CNTNAP2: variants seen among roughly 807,000 people sequenced by gnomAD.
CNTNAP2 encodes contactin associated protein 2, also known as contactin-associated protein-like 2.
Under a neutral mutation model 155.2 loss-of-function variants are expected in CNTNAP2, and 98 were observed. The ratio of observed to expected loss-of-function variants is 0.63; its 90% CI spans 0.54 to 0.75. The LOEUF (loss-of-function observed/expected upper bound fraction) is 0.75. Among genes scored for constraint, CNTNAP2 ranks in the 30% least tolerant of loss-of-function variants. CNTNAP2 has a pLI of 0.00. For missense variants in CNTNAP2, 1,727 were observed against 1,688.1 expected, an observed-to-expected ratio of 1.02 and a Z score of -0.40; for synonymous variants, 651 against 631.2, an observed-to-expected ratio of 1.03 and a Z score of -0.47.
intron 1 of CNTNAP2, among the ~76,000 whole-genome samples, chr7:146,363,124 A>G (rs928713486): frequency 6.6e-6 from 1 of 152,148 alleles, no homozygotes; most frequent in African/African-American, 2.4e-5. Flanking sequence ...TTTACATAGC[A>G]CTTATAATAG....
At chr7:147,123,434 C>T (rs951988737) in intron 6 of CNTNAP2, among the ~76,000 whole-genome samples, 1 of 152,250 alleles carries the variant, frequency 6.6e-6, no homozygotes, top group African/African-American at 2.4e-5. Context: ...ACACACAACA[C>T]TTGCTATATC....
chr7:148,269,562 CAGA>C (rs1452630770), intron 21 of CNTNAP2, among the ~76,000 whole-genome samples: 2 of 152,192 alleles, frequency 1.3e-5, no homozygotes, highest in Middle Eastern at 3.2e-3. Flanking sequence ...AAAACTGAAG[CAGA>C]AGAAGGTCAA....
intron 8 of CNTNAP2, among the ~76,000 whole-genome samples, chr7:147,151,981 AT>A (rs1169600889): frequency 3.9e-5 from 6 of 152,094 alleles, no homozygotes; most frequent in African/African-American, 1.4e-4. Context: ...ATTTTCCCTG[AT>A]CTAGTTATGG....
rs60787049 is a variant in CNTNAP2, at chr7:146,475,013, G to GCACACACA, written c.98-299238_98-299231dup. ...CACGAGCGCGCACGCGCGCGCGCGC[G>GCACACACA]CACACACACACACACACACACACAC... is the stretch of plus-strand genomic sequence containing the variant. On this transcript the variant is annotated intron_variant, in intron 1 of 23. Transcript: ENST00000361727. Among the ~76,000 whole-genome samples the GCACACACA allele has an allele frequency of 3.0e-3, 431 of 144,382 alleles. 1 individual carries two copies. Among genetic ancestry groups the GCACACACA allele is most frequent in the Non-Finnish European group, 3.7e-3 (245 of 65,836 alleles). 94.7% of individuals were successfully genotyped at this position (144,382 alleles called of 152,430 possible).
chr7:148,075,954 T>A (rs1803475936), intron 15 of CNTNAP2, among the ~76,000 whole-genome samples: 1 of 152,228 alleles, frequency 6.6e-6, no homozygotes, highest in South Asian at 2.1e-4. Flanking sequence ...GTCTCTGAAT[T>A]CTGTGATGTT....
intron 8 of CNTNAP2, among the ~76,000 whole-genome samples, chr7:147,179,459 G>A (rs2116496265): frequency 6.6e-6 from 1 of 152,216 alleles, no homozygotes; most frequent in Admixed American, 6.5e-5. Context: ...TAAACACAAA[G>A]GTTTTGAAAT....
At chr7:147,119,507 G>C (rs1041615026) in intron 5 of CNTNAP2, among the ~76,000 whole-genome samples, 4 of 152,136 alleles carry the variant, frequency 2.6e-5, no homozygotes, top group African/African-American at 4.8e-5. Flanking sequence ...AACTCAGTGT[G>C]ACCTTTTCAC....
At chr7:147,671,271 G>A (rs1342144234) in intron 13 of CNTNAP2, among the ~76,000 whole-genome samples, 1 of 152,178 alleles carries the variant, frequency 6.6e-6, no homozygotes, top group African/African-American at 2.4e-5. Context: ...TGAAAGGCTC[G>A]GGGAAATATC....
At chr7:148,366,372 A>G (rs1798781500) in intron 21 of CNTNAP2, among the ~76,000 whole-genome samples, 1 of 151,906 alleles carries the variant, frequency 6.6e-6, no homozygotes, top group African/African-American at 2.4e-5. Context: ...TGATTAAATT[A>G]TGTAGTCCTT....
At chr7:147,300,440 A>G in intron 9 of CNTNAP2, 150 bp downstream of exon 9, 1 of 857,922 alleles carries the variant, frequency 1.2e-6, no homozygotes, top group Middle Eastern at 3.5e-4. Flanking sequence ...CAAAACAAAA[A>G]AAGAAAAGGA....
At chr7:146,184,954 G>T (rs1004723654) in intron 1 of CNTNAP2, among the ~76,000 whole-genome samples, 12 of 152,038 alleles carry the variant, frequency 7.9e-5, no homozygotes, top group Non-Finnish European at 1.8e-4. Context: ...ATTCAGAGAT[G>T]GTTTTTCTGT....
chr7:147,316,137 T>C (rs762366790), intron 9 of CNTNAP2, among the ~76,000 whole-genome samples: 3 of 152,094 alleles, frequency 2.0e-5, no homozygotes, highest in Non-Finnish European at 4.4e-5. Context: ...GGAATTGCTG[T>C]GTCATATGAT....
At chr7:147,243,386 C>CT (rs1484300988) in intron 8 of CNTNAP2, among the ~76,000 whole-genome samples, 2 of 152,124 alleles carry the variant, frequency 1.3e-5, no homozygotes, top group Non-Finnish European at 2.9e-5. Flanking sequence ...ATAGTCTGGA[C>CT]TTACAGGAAG....
intron 2 of CNTNAP2, among the ~76,000 whole-genome samples, chr7:146,814,715 G>T (rs1281822624): frequency 6.6e-6 from 1 of 151,918 alleles, no homozygotes; most frequent in African/African-American, 2.4e-5. Flanking sequence ...ATGCTACGGG[G>T]CATGAGCTTT....
intron 4 of CNTNAP2, among the ~76,000 whole-genome samples, chr7:147,047,335 ATG>A (rs1431157800): frequency 1.4e-5 from 2 of 143,988 alleles, no homozygotes; most frequent in African/African-American, 5.2e-5. Context: ...ATTAGCCAGG[ATG>A]GTCTTGATTT....
At chr7:146,721,317 TTCTATATATAC>T (rs1161880447) in intron 1 of CNTNAP2, among the ~76,000 whole-genome samples, 8 of 128,952 alleles carry the variant, frequency 6.2e-5, no homozygotes, top group African/African-American at 2.5e-4. Context: ...TCTATATATA[TTCTATATATAC>T]ATTCTATATA....
intron 6 of CNTNAP2, among the ~76,000 whole-genome samples, chr7:147,123,381 T>C (rs1385524594): frequency 6.6e-6 from 1 of 152,246 alleles, no homozygotes; most frequent in Non-Finnish European, 1.5e-5. Context: ...TTTGGGGTCA[T>C]AAACCCTGTT....
chr7:147,748,608 C>T (rs553792461), intron 13 of CNTNAP2, among the ~76,000 whole-genome samples: 41 of 152,336 alleles, frequency 2.7e-4, no homozygotes, highest in African/African-American at 9.6e-4. Flanking sequence ...TCTCCCTGCA[C>T]CTCAGGTCTA....
At chr7:146,807,695 A>C (rs1033370977) in intron 2 of CNTNAP2, among the ~76,000 whole-genome samples, 3 of 150,728 alleles carry the variant, frequency 2.0e-5, no homozygotes, top group Non-Finnish European at 3.0e-5. Flanking sequence ...CCCTCCCTCT[A>C]CTTGTCTTTA....
Sources: allele counts gnomAD v4.1 joint callset (sites outside exome capture counted in the v4.1 genomes callset), GRCh38; gene constraint gnomAD v4.1.1; transcripts MANE v1.5; gene names NCBI Gene and HGNC (gene_info 2026-07-23, HGNC 2026-07-21).